ZMYND11: variants seen among roughly 807,000 people sequenced by gnomAD.
The protein encoded by ZMYND11 is zinc finger MYND-type containing 11.
Under a neutral mutation model 84.9 loss-of-function variants are expected in ZMYND11, and 9 were observed. That is an observed-to-expected ratio of 0.11 (90% CI 0.06 to 0.18). The LOEUF is 0.18. Ranked by LOEUF, ZMYND11 falls within the 10% of genes least tolerant of loss-of-function variation. The probability of loss-of-function intolerance (pLI) is 1.00; values close to 1 mark genes in which losing one functional copy is unlikely to be tolerated. For missense variants in ZMYND11, 409 were observed against 761.0 expected, an observed-to-expected ratio of 0.54 and a Z score of 5.44; for synonymous variants, 250 against 244.1, an observed-to-expected ratio of 1.02 and a Z score of -0.23.
chr10:200,966 A>G (rs1297157666), intron 2 of ZMYND11, among the ~76,000 whole-genome samples: 1 of 152,130 alleles, frequency 6.6e-6, no homozygotes, highest in East Asian at 1.9e-4. Context: ...TGTTTGTGTC[A>G]TAAAGAAATT....
intron 4 of ZMYND11, among the ~76,000 whole-genome samples, chr10:234,729 G>A (rs544072887): frequency 1.3e-5 from 2 of 152,222 alleles, no homozygotes; most frequent in Admixed American, 6.5e-5. Flanking sequence ...TTTTATAAGC[G>A]CCAAGAACAA....
intron 1 of ZMYND11, among the ~76,000 whole-genome samples, chr10:158,177 G>A (rs1554760012): frequency 6.6e-6 from 1 of 152,056 alleles, no homozygotes; most frequent in Non-Finnish European, 1.5e-5. Flanking sequence ...GTAATACTGC[G>A]TGGATGTACA....
At chr10:237,447 A>T (rs1284726797) in intron 5 of ZMYND11, 138 bp from the exon 6 acceptor site, 3 of 499,324 alleles carry the variant, frequency 6.0e-6, no homozygotes, top group Non-Finnish European at 1.0e-5. Context: ...GTTCAAGACC[A>T]GCCTGGGCAA....
chr10:138,279 T>C (rs1335607797), intron 1 of ZMYND11, among the ~76,000 whole-genome samples: 1 of 151,302 alleles, frequency 6.6e-6, no homozygotes, highest in Non-Finnish European at 1.5e-5. Flanking sequence ...CTGGATAATT[T>C]TTTGTATTTT....
intron 13 of ZMYND11, 104 bp downstream of exon 13, chr10:248,712 G>A: frequency 3.5e-6 from 5 of 1,429,514 alleles, no homozygotes; most frequent in Non-Finnish European, 4.6e-6. Context: ...TTTACATGTA[G>A]CCATATAATG....
chr10:218,528 A>T, intron 3 of ZMYND11: 1 of 336,840 alleles, frequency 3.0e-6, no homozygotes, highest in South Asian at 2.6e-5. Context: ...ATGTTATTTT[A>T]CTATAATTCT....
intron 10 of ZMYND11, among the ~76,000 whole-genome samples, chr10:244,171 ATGTT>A (rs750936750): frequency 1.1e-4 from 17 of 152,192 alleles, no homozygotes; most frequent in Non-Finnish European, 2.4e-4. Flanking sequence ...CCATATTAGA[ATGTT>A]TATTTTAAAA....
At chr10:187,005 A>C (rs1938759234) in intron 2 of ZMYND11, among the ~76,000 whole-genome samples, 1 of 151,912 alleles carries the variant, frequency 6.6e-6, no homozygotes, top group Non-Finnish European at 1.5e-5. Context: ...AGATTGGGGG[A>C]TCGCTTGAGA....
At chr10:161,965 G>T (rs1366501197) in intron 1 of ZMYND11, among the ~76,000 whole-genome samples, 1 of 152,192 alleles carries the variant, frequency 6.6e-6, no homozygotes, top group Admixed American at 6.5e-5. Flanking sequence ...TGGGATAGCT[G>T]TTTGGCTTAA....
At chr10:142,420 A>G (rs2131159116) in intron 1 of ZMYND11, among the ~76,000 whole-genome samples, 1 of 152,280 alleles carries the variant, frequency 6.6e-6, no homozygotes, top group East Asian at 1.9e-4. Flanking sequence ...CTTTTTGAGC[A>G]TCTCACATAC....
chr10:237,127 A>ATT (rs958007017), intron 5 of ZMYND11, among the ~76,000 whole-genome samples: 3 of 152,226 alleles, frequency 2.0e-5, no homozygotes, highest in African/African-American at 7.2e-5. Context: ...GGACATAGAC[A>ATT]TTTTGACATA....
At chr10:235,825 T>G (rs1473297619) in intron 4 of ZMYND11, among the ~76,000 whole-genome samples, 1 of 152,262 alleles carries the variant, frequency 6.6e-6, no homozygotes, top group Non-Finnish European at 1.5e-5. Flanking sequence ...AGTTTCTCAC[T>G]AATAAAATGT....
rs779088050 is a variant in ZMYND11, at chr10:237,685, C to T, written c.609+8C>T. The T allele has an allele frequency of 9.4e-6, 15 of 1,598,234 alleles. No homozygotes were observed. Among genetic ancestry groups the T allele is most frequent in the African/African-American group, 6.8e-5 (5 of 74,030 alleles). ...GTTCCCACCATTCAAGAGGTAAAGT[C>T]GGTTTCTTTTATTTCCACTTCAAGT... On this transcript the variant is annotated splice_region_variant and intron_variant, in intron 6 of 14. Transcript: ENST00000381604.
At chr10:165,196 AC>A (rs1843711549) in intron 1 of ZMYND11, among the ~76,000 whole-genome samples, 1 of 152,070 alleles carries the variant, frequency 6.6e-6, no homozygotes, top group Admixed American at 6.6e-5. Context: ...GTCACCAGTG[AC>A]CAACATATTG....
intron 3 of ZMYND11, among the ~76,000 whole-genome samples, chr10:211,734 G>A (rs898068188): frequency 2.0e-5 from 3 of 152,130 alleles, no homozygotes; most frequent in African/African-American, 7.2e-5. Context: ...TTTGTGCACT[G>A]GAAGTATTCT....
At chr10:153,570 C>A (rs538271164) in intron 1 of ZMYND11, among the ~76,000 whole-genome samples, 1 of 152,256 alleles carries the variant, frequency 6.6e-6, no homozygotes, top group South Asian at 2.1e-4. Context: ...TCAGTAACAT[C>A]TACAGAATGT....
intron 8 of ZMYND11, among the ~76,000 whole-genome samples, chr10:240,450 G>A (rs975830122): frequency 6.6e-6 from 1 of 152,230 alleles, no homozygotes; most frequent in Non-Finnish European, 1.5e-5. Flanking sequence ...GTTGCAGTGA[G>A]CCAAGATTGC....
chr10:162,338 A>T (rs1843109545), intron 1 of ZMYND11, among the ~76,000 whole-genome samples: 1 of 152,222 alleles, frequency 6.6e-6, no homozygotes, highest in Non-Finnish European at 1.5e-5. Flanking sequence ...AAAGTCTGAA[A>T]TATTGTGATA....
intron 4 of ZMYND11, among the ~76,000 whole-genome samples, chr10:224,265 G>A (rs1261295218): frequency 6.6e-6 from 1 of 152,084 alleles, no homozygotes; most frequent in African/African-American, 2.4e-5. Flanking sequence ...ATCTATTTCT[G>A]AAATATTTTA....
Sources: allele counts gnomAD v4.1 joint callset (sites outside exome capture counted in the v4.1 genomes callset), GRCh38; gene constraint gnomAD v4.1.1; transcripts MANE v1.5; gene names NCBI Gene and HGNC (gene_info 2026-07-23, HGNC 2026-07-21).